SETBP1: variants seen among roughly 807,000 people sequenced by gnomAD.
The protein encoded by SETBP1 is SET binding protein 1.
A neutral mutation model predicts 101.0 loss-of-function variants in SETBP1; 9 were observed. The observed-to-expected ratio is 0.09, with a 90% CI of 0.05 to 0.16. The LOEUF (loss-of-function observed/expected upper bound fraction) is 0.16. SETBP1 is among the 10% of genes least tolerant of loss of function. The pLI is 1.00. For missense variants in SETBP1, 1,858 were observed against 2,033.8 expected (o/e 0.91, Z 1.66); for synonymous variants, 818 against 788.5 (o/e 1.04, Z -0.63).
intron 2 of SETBP1, among the ~76,000 whole-genome samples, chr18:44,721,823 GA>G (rs1453666801): frequency 6.6e-6 from 1 of 152,234 alleles, no homozygotes; most frequent in East Asian, 1.9e-4. Context: ...GCAATGGTGT[GA>G]AAGAATGAAT....
intron 4 of SETBP1, among the ~76,000 whole-genome samples, chr18:45,005,154 A>C (rs1184327842): frequency 6.6e-6 from 1 of 152,226 alleles, no homozygotes. Context: ...AAGAAAATAC[A>C]ACCTCATGTA....
At chr18:44,916,953 C>A (rs756669984) in intron 3 of SETBP1, among the ~76,000 whole-genome samples, 1 of 152,204 alleles carries the variant, frequency 6.6e-6, no homozygotes, top group South Asian at 2.1e-4. Flanking sequence ...CCAAATAAGC[C>A]GCTTCCCTGG....
chr18:44,804,828 G>A (rs537485156), intron 2 of SETBP1, among the ~76,000 whole-genome samples: 22 of 151,996 alleles, frequency 1.4e-4, no homozygotes, highest in East Asian at 1.9e-4. Context: ...AGCTTGCATC[G>A]TTTCTTACAC....
chr18:44,922,890 CA>C (rs2144942328), intron 3 of SETBP1, among the ~76,000 whole-genome samples: 1 of 152,302 alleles, frequency 6.6e-6, no homozygotes, highest in East Asian at 1.9e-4. Context: ...TAGGCACTTA[CA>C]GAGACCACTG....
At chr18:44,904,431 G>T (rs999718287) in intron 3 of SETBP1, among the ~76,000 whole-genome samples, 1 of 152,090 alleles carries the variant, frequency 6.6e-6, no homozygotes, top group Admixed American at 6.6e-5. Context: ...TAATGCAGTG[G>T]ATTTAAATGT....
At chr18:45,022,322 C>T (rs2073087855) in intron 4 of SETBP1, among the ~76,000 whole-genome samples, 1 of 152,204 alleles carries the variant, frequency 6.6e-6, no homozygotes, top group African/African-American at 2.4e-5. Flanking sequence ...TTTCCCCAAA[C>T]ATGCGGTACT....
At chr18:44,864,580 G>C (rs1442428402) in intron 2 of SETBP1, among the ~76,000 whole-genome samples, 1 of 152,122 alleles carries the variant, frequency 6.6e-6, no homozygotes, top group Non-Finnish European at 1.5e-5. Context: ...GACATGTCAG[G>C]AATGAGATTG....
chr18:45,016,260 A>G (rs1254894363), intron 4 of SETBP1, among the ~76,000 whole-genome samples: 1 of 152,154 alleles, frequency 6.6e-6, no homozygotes, highest in Non-Finnish European at 1.5e-5. Flanking sequence ...CTGCCATTAG[A>G]AAGCAGGATG....
chr18:44,959,880 C>T (rs2071572896), intron 4 of SETBP1, among the ~76,000 whole-genome samples: 1 of 152,108 alleles, frequency 6.6e-6, no homozygotes, highest in Non-Finnish European at 1.5e-5. Context: ...TGGAAACACC[C>T]AAGAAATATT....
chr18:44,888,608 C>G (rs1232803218), intron 3 of SETBP1, among the ~76,000 whole-genome samples: 1 of 152,102 alleles, frequency 6.6e-6, no homozygotes, highest in Non-Finnish European at 1.5e-5. Flanking sequence ...ACCTTGTCTA[C>G]TAAGGCCTAA....
Position 44,952,299 on chromosome 18 carries a change from C to A in SETBP1, c.2959C>A (p.Arg987=), listed in dbSNP as rs767152507. The change falls in exon 4 of 6, where the codon CGG becomes AGG. Residue 987 remains arginine, a synonymous_variant. Coordinates refer to ENST00000649279, the MANE Select transcript of SETBP1 (RefSeq NM_015559.3). ...CGAGAATCCATATCCCAGCATTTTT[C>A]GGATTAATTTTGATCACTATTACCC... ...YHENPYPSIF[R]INFDHYYPVP... 22 of 1,614,112 alleles carry A rather than the reference C, an allele frequency of 1.4e-5. No homozygotes were observed. The South Asian group carries it at 2.3e-4, about 17-fold the overall frequency.
rs10645515 is a variant in SETBP1, at chr18:44,875,527, C to CAAAA, written c.540+6265_540+6268dup. 9.7e-3 allele frequency among the ~76,000 whole-genome samples: 598 copies of CAAAA among 61,396 alleles called. 29 individuals are homozygous for CAAAA. Among genetic ancestry groups the CAAAA allele is most frequent in the African/African-American group, 0.025 (343 of 13,654 alleles). The allele number at this position is 61,396 out of a possible 152,430, so 40.3% of individuals were successfully genotyped here. ...CTGGCAAGAGAGCAAGACTCCATCT[C>CAAAA]AAAAAAAAAAAAAAAAAAAAAAAAG... On this transcript the variant is annotated intron_variant, in intron 3 of 5. Transcript: ENST00000649279.
At chr18:44,826,099 C>T (rs936746692) in intron 2 of SETBP1, among the ~76,000 whole-genome samples, 3 of 152,088 alleles carry the variant, frequency 2.0e-5, no homozygotes, top group East Asian at 1.9e-4. Flanking sequence ...AATGTCATGT[C>T]GTCTCTCAAG....
chr18:44,961,025 G>A (rs11082415), intron 4 of SETBP1, among the ~76,000 whole-genome samples: 4,625 of 152,332 alleles, frequency 0.03, 85 homozygotes, highest in Non-Finnish European at 0.047. Flanking sequence ...AAATCAGAGC[G>A]GAAACCCAGC....
chr18:44,775,320 G>A (rs971257607), intron 2 of SETBP1, among the ~76,000 whole-genome samples: 1 of 152,294 alleles, frequency 6.6e-6, no homozygotes, highest in Admixed American at 6.5e-5. Flanking sequence ...AGTCAACATG[G>A]ATATTTCTAT....
intron 4 of SETBP1, among the ~76,000 whole-genome samples, chr18:45,031,519 C>A (rs539700913): frequency 2.6e-5 from 4 of 152,248 alleles, no homozygotes; most frequent in African/African-American, 9.6e-5. Context: ...AGAATATATT[C>A]TTTACCTATT....
At chr18:45,059,055 C>G (rs2073852376) in intron 5 of SETBP1, among the ~76,000 whole-genome samples, 1 of 152,170 alleles carries the variant, frequency 6.6e-6, no homozygotes, top group Non-Finnish European at 1.5e-5. Context: ...TTTATTGCCA[C>G]TTATTTATAA....
chr18:44,719,293 G>A (rs752547936), intron 2 of SETBP1, among the ~76,000 whole-genome samples: 14 of 152,184 alleles, frequency 9.2e-5, no homozygotes, highest in Non-Finnish European at 7.3e-5. Context: ...GAGGCCACGC[G>A]AGAGCTGACC....
chr18:45,041,356 A>G (rs2073504671), intron 5 of SETBP1, among the ~76,000 whole-genome samples: 1 of 152,248 alleles, frequency 6.6e-6, no homozygotes, highest in Admixed American at 6.5e-5. Flanking sequence ...CTTGAAATAT[A>G]GTAACATATA....
Sources: gnomAD v4.1 joint callset for allele counts (sites outside exome capture counted in the v4.1 genomes callset) on GRCh38, gnomAD v4.1.1 for gene constraint, MANE v1.5 for transcripts, NCBI Gene and HGNC (gene_info 2026-07-23, HGNC 2026-07-21) for gene names.